The following BEND7 variants were observed in gnomAD, a reference collection of about 807,000 sequenced individuals.
BEND7 encodes the protein BEN domain containing 7.
Under a neutral mutation model 50.9 loss-of-function variants are expected in BEND7, and 28 were observed. That is an observed-to-expected ratio of 0.55 (90% CI 0.41 to 0.75). The LOEUF is 0.75. Ranked by LOEUF, BEND7 falls within the 30% of genes least tolerant of loss-of-function variation. The probability of loss-of-function intolerance (pLI) is 0.00; values close to 1 mark genes in which losing one functional copy is unlikely to be tolerated. For missense variants in BEND7, 477 were observed against 491.3 expected, an observed-to-expected ratio of 0.97 and a Z score of 0.28; for synonymous variants, 170 against 183.9, an observed-to-expected ratio of 0.92 and a Z score of 0.61.
chr10:13,439,221 G>A (rs1564479468), downstream of BEND7: 3 of 1,614,192 alleles, frequency 1.9e-6, no homozygotes, highest in South Asian at 2.2e-5. Flanking sequence ...GGCTGAGCCT[G>A]GCGTGGGAAA....
chr10:13,488,341 A>G (rs1160343897), intron 5 of BEND7, among the ~76,000 whole-genome samples: 1 of 152,184 alleles, frequency 6.6e-6, no homozygotes, highest in Non-Finnish European at 1.5e-5. Context: ...AGACAAACTT[A>G]GGCCATGTAT....
At chr10:13,503,574 G>A (rs369395354) in intron 2 of BEND7, among the ~76,000 whole-genome samples, 6 of 152,172 alleles carry the variant, frequency 3.9e-5, no homozygotes, top group Non-Finnish European at 7.3e-5. Context: ...TTAGCTGGGC[G>A]TGGCAGCGCG....
intron 5 of BEND7, among the ~76,000 whole-genome samples, chr10:13,488,769 G>A (rs937308137): frequency 2.0e-5 from 3 of 152,234 alleles, no homozygotes; most frequent in Non-Finnish European, 2.9e-5. Flanking sequence ...TTACAGGCGT[G>A]AGCCACCGCG....
intron 6 of BEND7, among the ~76,000 whole-genome samples, chr10:13,467,335 C>T (rs189979891): frequency 1.7e-4 from 26 of 152,286 alleles, no homozygotes; most frequent in African/African-American, 5.1e-4. Context: ...AACTAGGAAA[C>T]GGCACATTTA....
intron 4 of BEND7, 111 bp downstream of exon 4, chr10:13,496,655 G>T: frequency 7.8e-7 from 1 of 1,286,102 alleles, no homozygotes; most frequent in Non-Finnish European, 1.1e-6. Context: ...GGCACAGCAA[G>T]ACAGCAAGGT....
At chr10:13,474,387 G>C in intron 6 of BEND7, among the ~76,000 whole-genome samples, 1 of 152,070 alleles carries the variant, frequency 6.6e-6, no homozygotes, top group East Asian at 1.9e-4. Context: ...CCTCATGACT[G>C]TTAGACTCGG....
chr10:13,481,056 T>G lies in BEND7; in HGVS notation c.906A>C (p.Ser302=), dbSNP rs1307883127. Residue 302 remains serine, a synonymous_variant, in exon 6 of 9, where the codon TCA becomes TCC. Transcript: ENST00000466271. The part of the protein sequence containing the change: ...MPKSQLDSIL[S]NYTRSGSLLF... ...GAAGGCTTCCTGAGCGAGTGTAGTT[T>G]GACAATATAGAGTCCAGCTGAGATT... The G allele has an allele frequency of 1.9e-6, 3 of 1,614,054 alleles. No individual in the cohort carries two copies. In the African/African-American group the frequency reaches 4.0e-5, roughly 22 times the overall value.
At chr10:13,500,979 T>A in intron 2 of BEND7, 1 of 298,420 alleles carries the variant, frequency 3.4e-6, no homozygotes, top group African/African-American at 2.3e-5. Flanking sequence ...TTTTTTAAGA[T>A]TTTTCTCCCG....
intron 2 of BEND7, among the ~76,000 whole-genome samples, chr10:13,520,852 G>A (rs370292449): frequency 2.6e-5 from 4 of 152,306 alleles, no homozygotes; most frequent in East Asian, 3.9e-4. Flanking sequence ...AGTCATACGT[G>A]AGAACGACCA....
intron 6 of BEND7, among the ~76,000 whole-genome samples, chr10:13,453,632 T>C (rs1016502851): frequency 2.6e-5 from 4 of 152,118 alleles, no homozygotes; most frequent in African/African-American, 9.7e-5. Context: ...CTCATTCAAA[T>C]AAAAGAGTAA....
At chr10:13,517,065 C>CTTT (rs5783329) in intron 2 of BEND7, among the ~76,000 whole-genome samples, 4 of 126,128 alleles carry the variant, frequency 3.2e-5, no homozygotes, top group Admixed American at 8.1e-5. Context: ...TTTCTGGTGG[C>CTTT]TTTTTTTTTT....
Position 13,441,212 on chromosome 10 carries a change from G to A in BEND7, c.*531C>T, listed in dbSNP as rs554646588. On this transcript the variant is annotated 3_prime_UTR_variant, in exon 9 of 9. Coordinates refer to ENST00000466271, the MANE Select transcript of BEND7 (RefSeq NM_001369863.1). The stretch of plus-strand genomic sequence containing the variant: ...GGCTTGCATTGAATTCTTTTTTAAA[G>A]AACATAGTAATTTTAAAAAATCTAA... 1.1e-6 allele frequency: 1 copy of A among 932,606 alleles called. No individual in the cohort carries two copies. Among genetic ancestry groups the A allele is most frequent in the African/African-American group, 1.8e-5 (1 of 56,076 alleles). 57.8% of individuals were successfully genotyped at this position (932,606 alleles called of 1,614,324 possible).
intron 3 of BEND7, among the ~76,000 whole-genome samples, chr10:13,499,562 T>C (rs574514611): frequency 6.6e-6 from 1 of 152,340 alleles, no homozygotes; most frequent in African/African-American, 2.4e-5. Context: ...AAATCTTCAC[T>C]TATAACATAG....
chr10:13,515,559 T>C (rs985073304), intron 2 of BEND7, among the ~76,000 whole-genome samples: 2 of 152,228 alleles, frequency 1.3e-5, no homozygotes, highest in Admixed American at 1.3e-4. Flanking sequence ...TTGTAATGAT[T>C]TGAAAACATA....
chr10:13,456,266 T>C (rs10906374), intron 6 of BEND7, among the ~76,000 whole-genome samples: 47,477 of 151,894 alleles, frequency 0.31, 8,641 homozygotes, highest in East Asian at 0.68. Flanking sequence ...AGAATTGTTC[T>C]GAGATACCGG....
chr10:13,515,345 T>C (rs894557206), intron 2 of BEND7, among the ~76,000 whole-genome samples: 42 of 152,242 alleles, frequency 2.8e-4, no homozygotes, highest in African/African-American at 8.0e-4. Flanking sequence ...GGTTACCAGA[T>C]AGCAGTATAA....
chr10:13,468,835 C>A lies in BEND7; in HGVS notation c.1063+12064G>T, dbSNP rs2074515193. Among the ~76,000 whole-genome samples the A allele has an allele frequency of 2.0e-5, 3 of 152,318 alleles. No individual in the cohort carries two copies. The South Asian group carries it at 6.2e-4, about 32-fold the overall frequency. ...TTCAAACTTGAAGAGTTAGTTGATG[C>A]CTCTGCTAAAAATAATGTAGTTGCA... is the stretch of plus-strand genomic sequence containing the variant. On this transcript the variant is annotated intron_variant, in intron 6 of 8. Transcript: ENST00000466271.
At chr10:13,519,241 G>C (rs1269454682) in intron 2 of BEND7, among the ~76,000 whole-genome samples, 1 of 152,216 alleles carries the variant, frequency 6.6e-6, no homozygotes, top group Non-Finnish European at 1.5e-5. Flanking sequence ...GGGAGGCTGA[G>C]GCAGGTGGAT....
intron 5 of BEND7, among the ~76,000 whole-genome samples, chr10:13,488,759 T>C (rs978565739): frequency 4.9e-4 from 74 of 152,210 alleles, no homozygotes; most frequent in African/African-American, 1.7e-3. Flanking sequence ...AGTGCTGGGA[T>C]TACAGGCGTG....
Sources: allele counts gnomAD v4.1 joint callset (sites outside exome capture counted in the v4.1 genomes callset), GRCh38; gene constraint gnomAD v4.1.1; transcripts MANE v1.5; gene names NCBI Gene and HGNC (gene_info 2026-07-23, HGNC 2026-07-21).